RBM20: variants seen among roughly 807,000 people sequenced by gnomAD.
The protein encoded by RBM20 is RNA binding motif protein 20, also known as RNA-binding protein 20.
A neutral mutation model predicts 110.1 loss-of-function variants in RBM20; 51 were observed. The observed-to-expected ratio is 0.46, with a 90% CI of 0.37 to 0.59. The LOEUF is 0.59. Ranked by LOEUF, RBM20 falls within the 20% of genes least tolerant of loss-of-function variation. RBM20 has a pLI of 0.00. For missense variants in RBM20, 1,512 were observed against 1,574.9 expected (o/e 0.96, Z 0.68); for synonymous variants, 589 against 618.2 (o/e 0.95, Z 0.70).
chr10:110,718,855 A>C (rs528646327), intron 1 of RBM20, among the ~76,000 whole-genome samples: 1 of 152,056 alleles, frequency 6.6e-6, no homozygotes, highest in African/African-American at 2.4e-5. Context: ...ACTTCAAGTT[A>C]TCCACCCATC....
intron 1 of RBM20, among the ~76,000 whole-genome samples, chr10:110,711,631 G>A (rs560324881): frequency 7.5e-4 from 115 of 152,328 alleles, no homozygotes; most frequent in African/African-American, 2.6e-3. Flanking sequence ...CCCAGATGGG[G>A]TAGTTATGTA....
intron 1 of RBM20, among the ~76,000 whole-genome samples, chr10:110,721,009 C>A (rs1256586995): frequency 6.6e-6 from 1 of 152,230 alleles, no homozygotes; most frequent in Non-Finnish European, 1.5e-5. Context: ...TCCCTGCTGC[C>A]TGGAACCCTC....
chr10:110,656,764 C>T (rs900785615), intron 1 of RBM20, among the ~76,000 whole-genome samples: 13 of 152,228 alleles, frequency 8.5e-5, no homozygotes, highest in Non-Finnish European at 2.9e-5. Context: ...TGGCATCATG[C>T]TTTCAAGGTT....
intron 7 of RBM20, among the ~76,000 whole-genome samples, chr10:110,805,036 G>A (rs1244642439): frequency 6.6e-6 from 1 of 152,212 alleles, no homozygotes; most frequent in Non-Finnish European, 1.5e-5. Context: ...GGTCCATGGT[G>A]CTCTCAGTTG....
chr10:110,747,906 G>T (rs1016388103), intron 1 of RBM20, among the ~76,000 whole-genome samples: 1 of 151,178 alleles, frequency 6.6e-6, no homozygotes, highest in Admixed American at 6.6e-5. Flanking sequence ...TTTTTAGAAA[G>T]TTTTCTTTCT....
At chr10:110,717,603 C>G (rs956700802) in intron 1 of RBM20, among the ~76,000 whole-genome samples, 1 of 152,156 alleles carries the variant, frequency 6.6e-6, no homozygotes, top group Non-Finnish European at 1.5e-5. Flanking sequence ...TTGAATCCCA[C>G]CCCTGCCGTT....
intron 1 of RBM20, among the ~76,000 whole-genome samples, chr10:110,778,469 G>C (rs979749302): frequency 6.6e-6 from 1 of 152,170 alleles, no homozygotes; most frequent in Non-Finnish European, 1.5e-5. Flanking sequence ...CCTCAGCTGA[G>C]CTAGCTCCCA....
chr10:110,681,210 G>C (rs1401480984), intron 1 of RBM20, among the ~76,000 whole-genome samples: 2 of 152,164 alleles, frequency 1.3e-5, no homozygotes, highest in African/African-American at 2.4e-5. Context: ...GAATCCCAGG[G>C]ACACACTGTC....
rs1862626556 is a variant in RBM20, at chr10:110,694,035, C to T, written c.191+49390C>T. Among the ~76,000 whole-genome samples, 2 of 152,170 alleles carry T rather than the reference C, an allele frequency of 1.3e-5. 1 individual carries two copies. The highest frequency in any genetic ancestry group is 4.1e-4 in the South Asian group (2 of 4,834). ...GTCAGAGAGAGCTAAGAGAAGCAAC[C>T]AGCATCAGTGGGGCACAAGAGCTTT... On this transcript the variant is annotated intron_variant, in intron 1 of 13. Coordinates refer to ENST00000369519, the MANE Select transcript of RBM20 (RefSeq NM_001134363.3).
chr10:110,814,458 G>T (rs1844813840), intron 9 of RBM20, among the ~76,000 whole-genome samples: 1 of 151,902 alleles, frequency 6.6e-6, no homozygotes, highest in Non-Finnish European at 1.5e-5. Flanking sequence ...TATTTGAGCT[G>T]AGTATTAAAA....
chr10:110,780,838 A>G lies in RBM20; in HGVS notation c.229A>G (p.Ser77Gly), dbSNP rs1844328163. The G allele has an allele frequency of 6.5e-7, 1 of 1,541,544 alleles. No individual in the cohort carries two copies. The highest frequency in any genetic ancestry group is 1.2e-5 in the South Asian group (1 of 82,962). The change falls in exon 2 of 14, where the codon AGT becomes GGT. Residue 77 changes from serine to glycine, a missense_variant. By Grantham distance (56) the Ser-to-Gly change is moderately conservative. Coordinates refer to ENST00000369519, the MANE Select transcript of RBM20 (RefSeq NM_001134363.3). Reference protein sequence around the residue: ...KLLDKNPFSVSNPNPLLPSPA... With the variant: ...KLLDKNPFSVGNPNPLLPSPA... The stretch of plus-strand genomic sequence containing the variant: ...CCTGGACAAGAACCCATTCTCGGTC[A>G]GTAACCCGAACCCTCTGCTTCCTTC...
At chr10:110,748,450 G>C (rs530896659) in intron 1 of RBM20, among the ~76,000 whole-genome samples, 55 of 152,192 alleles carry the variant, frequency 3.6e-4, no homozygotes, top group African/African-American at 9.6e-4. Context: ...GGGGCAGATA[G>C]GGTTTCATGC....
intron 1 of RBM20, among the ~76,000 whole-genome samples, chr10:110,673,648 G>A (rs1003466482): frequency 1.3e-5 from 2 of 152,352 alleles, no homozygotes; most frequent in Admixed American, 6.5e-5. Flanking sequence ...CACAGGCGAG[G>A]AGAGCTTAGA....
chr10:110,737,822 T>C (rs1475563263), intron 1 of RBM20, among the ~76,000 whole-genome samples: 1 of 152,216 alleles, frequency 6.6e-6, no homozygotes, highest in Non-Finnish European at 1.5e-5. Context: ...TGGATATAGG[T>C]TGTTTCTAGT....
rs1036485472 is a variant in RBM20 at position 110,812,688 on chromosome 10, C to A, written c.2291C>A (p.Pro764His). The change falls in exon 9 of 14, where the codon CCC becomes CAC. Residue 764 changes from proline (P) to histidine (H), a missense_variant. By Grantham distance (77) the Pro-to-His change is moderately conservative. Around this residue, in one of 3 missense-constraint regions of RBM20, gnomAD observed 1,149 missense variants for 1,169.4 expected, o/e 0.98. Transcript: ENST00000369519. ...SREDGYYRKE[P>H]KAKSDKYLKQ... Reference sequence around the variant, plus strand: ...GAAGACGGCTACTACCGGAAAGAGCCCAAAGCCAAGTCGGACAAGTATCTG... The same window carrying A: ...GAAGACGGCTACTACCGGAAAGAGCACAAAGCCAAGTCGGACAAGTATCTG... 3 of 1,551,586 alleles carry A rather than the reference C, an allele frequency of 1.9e-6. No individual in the cohort carries two copies. Among genetic ancestry groups the A allele is most frequent in the Non-Finnish European group, 2.6e-6 (3 of 1,147,012 alleles).
chr10:110,746,357 G>A (rs1843780452), intron 1 of RBM20, among the ~76,000 whole-genome samples: 1 of 152,196 alleles, frequency 6.6e-6, no homozygotes, highest in African/African-American at 2.4e-5. Context: ...GGGCTTCCAG[G>A]AATTTGTGGC....
At chr10:110,752,618 T>A (rs906879982) in intron 1 of RBM20, among the ~76,000 whole-genome samples, 1 of 152,186 alleles carries the variant, frequency 6.6e-6, no homozygotes, top group Admixed American at 6.5e-5. Context: ...ATGTACTTAT[T>A]TTTTTCCAAT....
At chr10:110,826,186 G>A (rs1380223558) in intron 12 of RBM20, among the ~76,000 whole-genome samples, 1 of 152,172 alleles carries the variant, frequency 6.6e-6, no homozygotes, top group Non-Finnish European at 1.5e-5. Context: ...GATTTTATCA[G>A]TTTTTAATCT....
intron 1 of RBM20, among the ~76,000 whole-genome samples, chr10:110,673,831 A>G (rs1020517074): frequency 2.6e-5 from 4 of 152,174 alleles, no homozygotes; most frequent in Non-Finnish European, 5.9e-5. Flanking sequence ...TGGATTGCTA[A>G]GTTCAGAGAG....
Sources: gnomAD v4.1 joint callset for allele counts (sites outside exome capture counted in the v4.1 genomes callset) on GRCh38, gnomAD v4.1.1 for gene constraint, gnomAD v4.1.1 regional missense constraint, MANE v1.5 for transcripts, NCBI Gene and HGNC (gene_info 2026-07-23, HGNC 2026-07-21) for gene names.